The following HMGCS2 variants were observed in gnomAD, a reference collection of about 807,000 sequenced individuals.
The protein encoded by HMGCS2 is hydroxymethylglutaryl-CoA synthase, mitochondrial.
A neutral mutation model predicts 57.4 loss-of-function variants in HMGCS2; 50 were observed. The ratio of observed to expected loss-of-function variants is 0.87; its 90% confidence interval spans 0.69 to 1.10. The LOEUF (loss-of-function observed/expected upper bound fraction) is 1.10. Ranked by LOEUF, HMGCS2 falls within the 50% of genes least tolerant of loss-of-function variation. HMGCS2 has a pLI of 0.00. For synonymous variants in HMGCS2, 254 were observed against 245.1 expected (o/e 1.04, Z -0.34); for missense variants, 627 against 636.5 (o/e 0.99, Z 0.16).
chr1:119,760,787 A>T (rs1571038984), intron 2 of HMGCS2, among the ~76,000 whole-genome samples: 3 of 152,102 alleles, frequency 2.0e-5, no homozygotes, highest in African/African-American at 7.2e-5. Flanking sequence ...CCCAGTATTC[A>T]CCCACAGCAC....
intron 6 of HMGCS2, 68 bp from the exon 7 acceptor site, chr1:119,753,454 T>C (rs1195993535): frequency 1.3e-6 from 1 of 761,768 alleles, no homozygotes; most frequent in Non-Finnish European, 2.3e-6. Flanking sequence ...CACATATATG[T>C]ATATATATAT....
At chr1:119,761,865 C>T (rs780688879) in intron 2 of HMGCS2, among the ~76,000 whole-genome samples, 29 of 152,116 alleles carry the variant, frequency 1.9e-4, no homozygotes, top group African/African-American at 5.3e-4. Flanking sequence ...GTAAAAGAAA[C>T]GCAAATCAAA....
chr1:119,751,750 C>G, intron 8 of HMGCS2, among the ~76,000 whole-genome samples: 1 of 152,144 alleles, frequency 6.6e-6, no homozygotes, highest in East Asian at 1.9e-4. Flanking sequence ...AACATATCCA[C>G]TGGTCCAGAA....
intron 1 of HMGCS2, among the ~76,000 whole-genome samples, chr1:119,766,113 C>T (rs1005135390): frequency 6.6e-6 from 1 of 152,202 alleles, no homozygotes; most frequent in Non-Finnish European, 1.5e-5. Context: ...TTCTTAATAT[C>T]CCTGGCGAAA....
rs587632099 is a variant in HMGCS2 at position 119,750,739 on chromosome 1, G to C, written c.*5+58C>G. The C allele has an allele frequency of 5.4e-4, 579 of 1,077,800 alleles. 4 individuals carry two copies. Among genetic ancestry groups the C allele is most frequent in the Admixed American group, 9.7e-4 (56 of 57,776 alleles). The allele number at this position is 1,077,800 out of a possible 1,614,324, so 66.8% of individuals were successfully genotyped here. A position where few individuals can be genotyped will look rare whatever the true frequency, so the allele number is the denominator to read the frequency against. On this transcript the variant is annotated intron_variant, in intron 9 of 9. Coordinates refer to ENST00000369406, the MANE Select transcript of HMGCS2 (RefSeq NM_005518.4). ...TGTCCCCACCTTCTCTCTCTGTGTTGTTACTCAGAGGAAGACATTAGGGTT... is the reference window on the plus strand; with the variant it reads ...TGTCCCCACCTTCTCTCTCTGTGTTCTTACTCAGAGGAAGACATTAGGGTT...
intron 9 of HMGCS2, among the ~76,000 whole-genome samples, chr1:119,749,397 CT>C (rs76316691): frequency 0.19 from 27,905 of 143,116 alleles, 2,996 homozygotes; most frequent in South Asian, 0.25. Context: ...CCTTTCCCCC[CT>C]CCCTCCCTAT....
rs1219952938 is a variant in HMGCS2, at chr1:119,759,224, C to T, written c.744G>A (p.Ser248=). The T allele has an allele frequency of 1.1e-5, 17 of 1,614,068 alleles. No homozygotes were observed. The highest frequency in any genetic ancestry group is 1.7e-4 in the Middle Eastern group (1 of 6,060). The change falls in exon 4 of 10, where the codon TCG becomes TCA. Residue 248 remains serine (S), a synonymous_variant. Transcript: ENST00000369406. The part of the protein sequence containing the change: ...VYDFYKPNLA[S]EYPIVDGKLS... The stretch of plus-strand genomic sequence containing the variant: ...GCTTCCCATCCACTATTGGGTACTC[C>T]GAGGCCAAATTTGGTTTGTAGAAGT...
chr1:119,763,705 G>T (rs1653116912), intron 2 of HMGCS2, among the ~76,000 whole-genome samples: 1 of 152,216 alleles, frequency 6.6e-6, no homozygotes, highest in African/African-American at 2.4e-5. Context: ...AATACTCACA[G>T]TCTATCTTGT....
intron 6 of HMGCS2, among the ~76,000 whole-genome samples, chr1:119,754,766 G>A (rs1652780816): frequency 6.6e-6 from 1 of 152,158 alleles, no homozygotes; most frequent in South Asian, 2.1e-4. Flanking sequence ...GGGCTCTAAA[G>A]TCAGACCCAT....
At chr1:119,767,503 C>T (rs996561286) in intron 1 of HMGCS2, among the ~76,000 whole-genome samples, 1 of 152,114 alleles carries the variant, frequency 6.6e-6, no homozygotes, top group African/African-American at 2.4e-5. Flanking sequence ...ACAAGTCTTA[C>T]CGAATTTTGA....
chr1:119,749,497 C>T (rs1367513295), intron 9 of HMGCS2, among the ~76,000 whole-genome samples: 3 of 151,918 alleles, frequency 2.0e-5, no homozygotes, highest in African/African-American at 2.4e-5. Flanking sequence ...AACCGTATTT[C>T]CAACATGCAC....
rs939049952 is a variant in HMGCS2, at chr1:119,768,810, A to G, written c.35T>C (p.Leu12Pro). ...TTCCTGCACCGCTCTTGTCAGTTGC[A>G]GAATGCGCTTCACTGGAGTCAACAG... ...QRLLTPVKRI[L>P]QLTRAVQETS... Residue 12 changes from leucine (L) to proline (P), a missense_variant, in exon 1 of 10, where the codon CTG becomes CCG. By Grantham distance (98) the Leu-to-Pro change is moderately conservative. Coordinates refer to ENST00000369406, the MANE Select transcript of HMGCS2 (RefSeq NM_005518.4). 3.1e-6 allele frequency: 5 copies of G among 1,614,000 alleles called. No homozygotes were observed. In the African/African-American group the frequency reaches 5.3e-5, roughly 17 times the overall value.
intron 5 of HMGCS2, 52 bp downstream of exon 5, chr1:119,757,221 C>T: frequency 1.2e-6 from 2 of 1,613,250 alleles, no homozygotes; most frequent in South Asian, 1.1e-5. Flanking sequence ...GAAGAAGCCT[C>T]CTTCTTGCTC....
chr1:119,757,002 CTCTT>C (rs1042712382), intron 5 of HMGCS2, among the ~76,000 whole-genome samples: 6 of 152,190 alleles, frequency 3.9e-5, no homozygotes, highest in South Asian at 2.1e-4. Context: ...CTCCCTTTCT[CTCTT>C]TCTTTCTTTA....
intron 1 of HMGCS2, 133 bp from the exon 2 acceptor site, chr1:119,764,759 ATT>A: frequency 2.8e-6 from 2 of 725,690 alleles, no homozygotes; most frequent in Admixed American, 2.1e-5. Flanking sequence ...CAAATTTAGT[ATT>A]GTTATTATCT....
chr1:119,750,623 C>T (rs1399868672), intron 9 of HMGCS2, among the ~76,000 whole-genome samples, 174 bp downstream of exon 9: 1 of 152,126 alleles, frequency 6.6e-6, no homozygotes, highest in Non-Finnish European at 1.5e-5. Flanking sequence ...ATTCTGAATA[C>T]TTGCTTTTCC....
chr1:119,757,268 C>T lies in HMGCS2; in HGVS notation c.1016+5G>A. On this transcript the variant is annotated splice_donor_5th_base_variant and intron_variant, in intron 5 of 9. Transcript: ENST00000369406. ...GCCTCTAGGCTCCCCAAGAAGAGAA[C>T]TCACCCGAAAGCCTCCAGCCCCTTA... The T allele has an allele frequency of 6.2e-7, 1 of 1,614,110 alleles. No homozygotes were observed. Among genetic ancestry groups the T allele is most frequent in the Non-Finnish European group, 8.5e-7 (1 of 1,179,968 alleles).
At chr1:119,764,963 TGTG>T (rs1229721567) in intron 1 of HMGCS2, among the ~76,000 whole-genome samples, 15 of 152,356 alleles carry the variant, frequency 9.8e-5, no homozygotes, top group African/African-American at 3.6e-4. Context: ...ATACATCTCT[TGTG>T]ATCGGTATAT....
chr1:119,758,822 T>G (rs189173626), intron 4 of HMGCS2, among the ~76,000 whole-genome samples: 2 of 152,370 alleles, frequency 1.3e-5, no homozygotes, highest in South Asian at 2.1e-4. Flanking sequence ...GCCCAGCCTC[T>G]TAACACCATC....
Sources: allele counts gnomAD v4.1 joint callset (sites outside exome capture counted in the v4.1 genomes callset), GRCh38; gene constraint gnomAD v4.1.1; transcripts MANE v1.5; gene names NCBI Gene and HGNC (gene_info 2026-07-23, HGNC 2026-07-21).